Variants in SYTL4 observed in about 807,000 individuals in gnomAD.
The protein encoded by SYTL4 is synaptotagmin like 4.
In SYTL4, 16 loss-of-function variants were observed where a neutral mutation model predicts 52.7. The ratio of observed to expected loss-of-function variants is 0.30; its 90% confidence interval spans 0.21 to 0.46. The LOEUF (loss-of-function observed/expected upper bound fraction) is 0.46, where lower values mean the gene tolerates loss of function less well. SYTL4 is among the 20% of genes least tolerant of loss of function. The pLI is 1.00. For missense variants in SYTL4, 423 were observed against 519.9 expected, an observed-to-expected ratio of 0.81 and a Z score of 1.81; for synonymous variants, 160 against 186.6, an observed-to-expected ratio of 0.86 and a Z score of 1.16.
At chrX:100,676,790 T>C (rs1031490327) in intron 19 of SYTL4, among the ~76,000 whole-genome samples, 5 of 111,575 alleles carry the variant, frequency 4.5e-5, no homozygotes, top group South Asian at 3.8e-4. Context: ...CGGCCAACTT[T>C]TTTCTTTTAA....
intron 2 of SYTL4, among the ~76,000 whole-genome samples, chrX:100,728,107 T>C (rs1475231232): frequency 2.7e-5 from 3 of 111,872 alleles, no homozygotes; most frequent in Non-Finnish European, 5.6e-5. Context: ...TGGAGAAAAG[T>C]CCAGGGACTG....
intron 4 of SYTL4, 77 bp from the exon 5 acceptor site, chrX:100,702,184 G>A: frequency 2.3e-6 from 1 of 429,257 alleles, no homozygotes; most frequent in Non-Finnish European, 4.0e-6. Context: ...CCTTTCAATA[G>A]GTTCCTTTCC....
At position 100,702,089 on chromosome X, in the gene SYTL4, G is replaced by T; in HGVS notation, c.-52C>A. 1.1e-6 allele frequency: 1 copy of T among 941,136 alleles called. No individual in the cohort carries two copies. The allele number at this position is 941,136 out of a possible 1,213,427, so 77.6% of individuals were successfully genotyped here. A position where few individuals can be genotyped will look rare whatever the true frequency, so the allele number is the denominator to read the frequency against. On this transcript the variant is annotated 5_prime_UTR_variant, in exon 5 of 20. Transcript: ENST00000372989. ...TTCTTTCTTCAAAACAACCAGACAA[G>T]GAGAGCTACCAGAGTTGCCTGAAAT...
At position 100,701,967 on chromosome X, in the gene SYTL4, C is replaced by T. The variant is rs1354556665; in HGVS notation, c.71G>A (p.Arg24Gln). The part of the protein sequence containing the change: ...EKDLILSVLQ[R>Q]DEEVRKADEK... The stretch of plus-strand genomic sequence containing the variant: ...ATCTGCTTTCCGGACCTCTTCATCT[C>T]GCTGTAGAACACTGAGAATCAAATC... Residue 24 changes from arginine (R) to glutamine (Q), a missense_variant, in exon 5 of 20, where the codon CGA becomes CAA. By Grantham distance (43) the Arg-to-Gln change is conservative. Coordinates refer to ENST00000372989, the MANE Select transcript of SYTL4 (RefSeq NM_001370165.1). 2.5e-6 allele frequency: 3 copies of T among 1,208,591 alleles called. No individual in the cohort carries two copies. The highest frequency in any genetic ancestry group is 1.8e-5 in the South Asian group (1 of 56,604).
At chrX:100,719,903 TA>T (rs1303159762) in intron 2 of SYTL4, among the ~76,000 whole-genome samples, 1 of 111,788 alleles carries the variant, frequency 8.9e-6, no homozygotes, top group Non-Finnish European at 1.9e-5. Context: ...TCAGATATCT[TA>T]ATACTATATA....
rs779256749 is a variant in SYTL4, at chrX:100,679,514, G to A, written c.1559-102C>T. 29 of 638,037 alleles carry A rather than the reference G, an allele frequency of 4.5e-5. No homozygotes were observed. The South Asian group carries it at 5.6e-4, about 12-fold the overall frequency. 52.6% of individuals were successfully genotyped at this position (638,037 alleles called of 1,213,427 possible). A position where few individuals can be genotyped will look rare whatever the true frequency, so the allele number is the denominator to read the frequency against. ...TTCTTTGCTTGCTCCTAAAGGCAGC[G>A]AGCTCCATAACAGAACCGTGCCTGT... On this transcript the variant is annotated intron_variant, in intron 17 of 19. Coordinates refer to ENST00000372989, the MANE Select transcript of SYTL4 (RefSeq NM_001370165.1).
At chrX:100,717,563 T>C (rs1048038096) in intron 2 of SYTL4, among the ~76,000 whole-genome samples, 6 of 113,036 alleles carry the variant, frequency 5.3e-5, no homozygotes, top group African/African-American at 1.9e-4. Flanking sequence ...AATCACATCA[T>C]GTGTGGCTGG....
intron 2 of SYTL4, among the ~76,000 whole-genome samples, chrX:100,728,473 C>T (rs1414227881): frequency 3.6e-5 from 4 of 111,929 alleles, no homozygotes; most frequent in Non-Finnish European, 7.5e-5. Context: ...AATCCAATAA[C>T]CACCTCATAC....
chrX:100,705,577 T>C (rs1050208866), intron 2 of SYTL4, among the ~76,000 whole-genome samples: 37 of 111,485 alleles, frequency 3.3e-4, no homozygotes, highest in Non-Finnish European at 6.0e-4. Flanking sequence ...GTATTATCAG[T>C]TACCTGTCAG....
At chrX:100,702,807 T>C (rs1252174102) in intron 4 of SYTL4, among the ~76,000 whole-genome samples, 2 of 111,640 alleles carry the variant, frequency 1.8e-5, no homozygotes, top group Non-Finnish European at 3.8e-5. Flanking sequence ...CAGACACACA[T>C]AAATACAGTA....
intron 2 of SYTL4, among the ~76,000 whole-genome samples, chrX:100,724,026 GC>G (rs1357140803): frequency 1.1e-5 from 1 of 93,832 alleles, no homozygotes; most frequent in African/African-American, 4.2e-5. Flanking sequence ...GGGGGGGTCA[GC>G]CCCCCGCCCA....
intron 2 of SYTL4, among the ~76,000 whole-genome samples, chrX:100,709,868 C>T (rs5966713): frequency 0.16 from 18,147 of 111,181 alleles, 2,925 homozygotes; most frequent in African/African-American, 0.5. Context: ...ACTGTCTAGA[C>T]GTCAGTTAAA....
chrX:100,697,122 A>C (rs2083721335), intron 8 of SYTL4, among the ~76,000 whole-genome samples: 1 of 112,201 alleles, frequency 8.9e-6, no homozygotes, highest in Non-Finnish European at 1.9e-5. Context: ...GTACCACTGT[A>C]GAACCTCAAC....
intron 4 of SYTL4, among the ~76,000 whole-genome samples, 191 bp from the exon 5 acceptor site, chrX:100,702,298 G>C (rs1345811396): frequency 8.9e-6 from 1 of 111,917 alleles, no homozygotes; most frequent in Non-Finnish European, 1.9e-5. Flanking sequence ...TGATTTTTCA[G>C]AAAGAAAAAG....
chrX:100,677,962 A>T (rs1053092001), intron 19 of SYTL4, among the ~76,000 whole-genome samples: 2 of 111,915 alleles, frequency 1.8e-5, no homozygotes, highest in Admixed American at 1.9e-4. Flanking sequence ...GTAGGTAGGG[A>T]GGATGAAACT....
chrX:100,691,832 C>T (rs2083606227), intron 8 of SYTL4, among the ~76,000 whole-genome samples: 1 of 111,376 alleles, frequency 9.0e-6, no homozygotes, highest in African/African-American at 3.3e-5. Flanking sequence ...GCCACCACAC[C>T]CGGCCCTCAG....
chrX:100,724,146 G>A (rs1279996024), intron 2 of SYTL4, among the ~76,000 whole-genome samples: 3 of 91,995 alleles, frequency 3.3e-5, no homozygotes, highest in Non-Finnish European at 4.3e-5. Flanking sequence ...GGGAGGTGGG[G>A]GGGGTCAGCC....
At position 100,690,179 on chromosome X, in the gene SYTL4, A is replaced by T. The variant is rs57753438; in HGVS notation, c.718-14T>A. The stretch of plus-strand genomic sequence containing the variant: ...AGGCTGAGTTTCCTAGGAAGGAACA[A>T]GGGCAAGAAAATGGAAAAGAACAGA... On this transcript the variant is annotated splice_polypyrimidine_tract_variant and intron_variant, in intron 10 of 19. Transcript: ENST00000372989. 7.8e-6 allele frequency: 9 copies of T among 1,155,187 alleles called. No individual in the cohort carries two copies. The African/African-American group carries it at 1.4e-4, about 18-fold the overall frequency.
At chrX:100,729,495 G>C (rs764772036) in intron 2 of SYTL4, among the ~76,000 whole-genome samples, 2 of 111,251 alleles carry the variant, frequency 1.8e-5, no homozygotes, top group Non-Finnish European at 3.8e-5. Flanking sequence ...ATTCCTAGCT[G>C]TGGTATTTCA....
Sources: allele counts gnomAD v4.1 joint callset (sites outside exome capture counted in the v4.1 genomes callset), GRCh38; gene constraint gnomAD v4.1.1; transcripts MANE v1.5; gene names NCBI Gene and HGNC (gene_info 2026-07-23, HGNC 2026-07-21).